The following MYRIP variants were observed in gnomAD, a reference collection of about 807,000 sequenced individuals.
MYRIP encodes myosin VIIA and Rab interacting protein, also known as rab effector MyRIP.
A neutral mutation model predicts 98.0 loss-of-function variants in MYRIP; 49 were observed. The observed-to-expected ratio is 0.50, with a 90% CI of 0.40 to 0.63. The LOEUF (loss-of-function observed/expected upper bound fraction) is 0.63, where lower values mean the gene tolerates loss of function less well. Among genes scored for constraint, MYRIP ranks in the 30% least tolerant of loss-of-function variants. MYRIP has a pLI of 0.00. For missense variants in MYRIP, 1,004 were observed against 1,058.2 expected (o/e 0.95, Z 0.71); for synonymous variants, 404 against 409.5 (o/e 0.99, Z 0.16).
intron 2 of MYRIP, among the ~76,000 whole-genome samples, chr3:39,973,710 G>A (rs181992313): frequency 7.4e-4 from 112 of 151,938 alleles, no homozygotes; most frequent in African/African-American, 1.6e-3. Flanking sequence ...ATCTCAGACC[G>A]CAGTGCAATC....
intron 3 of MYRIP, among the ~76,000 whole-genome samples, chr3:40,105,587 A>G (rs978199002): frequency 2.6e-5 from 4 of 152,174 alleles, no homozygotes; most frequent in Admixed American, 6.5e-5. Context: ...CTCACTCACT[A>G]TACAGTACTG....
chr3:40,105,216 C>T (rs777747522), intron 3 of MYRIP, among the ~76,000 whole-genome samples: 1 of 152,132 alleles, frequency 6.6e-6, no homozygotes, highest in Non-Finnish European at 1.5e-5. Context: ...TGTATAAATG[C>T]TATTATGTCT....
At chr3:40,213,084 G>C (rs1045322143) in intron 11 of MYRIP, among the ~76,000 whole-genome samples, 7 of 152,182 alleles carry the variant, frequency 4.6e-5, no homozygotes, top group African/African-American at 1.7e-4. Context: ...TCCTGACCCT[G>C]CAGGCCCTTC....
At chr3:39,889,357 T>G (rs1463611439) in intron 1 of MYRIP, among the ~76,000 whole-genome samples, 3 of 152,180 alleles carry the variant, frequency 2.0e-5, no homozygotes, top group East Asian at 1.9e-4. Context: ...CCATAAAAAA[T>G]GATGAGTTCA....
At chr3:40,018,385 C>G (rs993572415) in intron 2 of MYRIP, among the ~76,000 whole-genome samples, 1 of 152,198 alleles carries the variant, frequency 6.6e-6, no homozygotes, top group African/African-American at 2.4e-5. Context: ...GCTTTCCTGT[C>G]TCCCGCTAAA....
chr3:40,080,959 A>G (rs1948467733), intron 3 of MYRIP, among the ~76,000 whole-genome samples: 1 of 151,596 alleles, frequency 6.6e-6, no homozygotes, highest in Non-Finnish European at 1.5e-5. Flanking sequence ...TAGTCTTTTT[A>G]TCATTCAATT....
Position 40,190,227 on chromosome 3 carries a change from A to G in MYRIP, c.1429A>G (p.Arg477Gly), listed in dbSNP as rs750342902. Residue 477 changes from arginine to glycine, a missense_variant, in exon 10 of 17, where the codon AGG becomes GGG. Physicochemically the swap from Arg to Gly is moderately radical, Grantham distance 125 (BLOSUM62 -2). Around this residue, in one of 3 missense-constraint regions of MYRIP, gnomAD observed 880 missense variants for 907.7 expected, o/e 0.97. Coordinates refer to ENST00000302541, the MANE Select transcript of MYRIP (RefSeq NM_015460.4). ...GHQARLSWLQRKAPRNPAAEK... is the reference protein window; with the variant it reads ...GHQARLSWLQGKAPRNPAAEK... ...CCAGGCCAGACTGTCCTGGTTGCAG[A>G]GGAAGGCCCCCAGGAACCCTGCAGC... 6.2e-7 allele frequency: 1 copy of G among 1,614,080 alleles called. No homozygotes were observed. The highest frequency in any genetic ancestry group is 8.5e-7 in the Non-Finnish European group (1 of 1,180,012).
chr3:39,902,459 C>T (rs1478266260), intron 2 of MYRIP, among the ~76,000 whole-genome samples: 2 of 152,148 alleles, frequency 1.3e-5, no homozygotes, highest in Non-Finnish European at 2.9e-5. Context: ...AGCCTCTTTC[C>T]TCTACTGAAC....
At chr3:39,883,155 A>G (rs1943197707) in intron 1 of MYRIP, among the ~76,000 whole-genome samples, 1 of 152,160 alleles carries the variant, frequency 6.6e-6, no homozygotes, top group Non-Finnish European at 1.5e-5. Flanking sequence ...ATAGGGAGAT[A>G]GGAATTAGAG....
intron 2 of MYRIP, among the ~76,000 whole-genome samples, chr3:39,959,978 G>T (rs1945281697): frequency 6.6e-6 from 1 of 151,756 alleles, no homozygotes; most frequent in Admixed American, 6.6e-5. Flanking sequence ...TAGGAAAAAA[G>T]ACTTTGTTGT....
intron 2 of MYRIP, among the ~76,000 whole-genome samples, chr3:39,986,768 T>C (rs1444812816): frequency 1.3e-5 from 2 of 152,146 alleles, no homozygotes; most frequent in Non-Finnish European, 2.9e-5. Flanking sequence ...GACTTGCTAA[T>C]GCAGGAGAAC....
chr3:39,936,623 A>T (rs1486736542), intron 2 of MYRIP, among the ~76,000 whole-genome samples: 1 of 152,220 alleles, frequency 6.6e-6, no homozygotes, highest in Non-Finnish European at 1.5e-5. Context: ...TCAGGGAGAC[A>T]CTGTCACAGA....
chr3:39,959,592 C>T (rs1945267921), intron 2 of MYRIP, among the ~76,000 whole-genome samples: 1 of 151,556 alleles, frequency 6.6e-6, no homozygotes, highest in Admixed American at 6.6e-5. Flanking sequence ...TTAATGGGTG[C>T]AGCACACCAG....
intron 7 of MYRIP, among the ~76,000 whole-genome samples, chr3:40,169,088 C>T (rs1950558084): frequency 6.6e-6 from 1 of 152,262 alleles, no homozygotes; most frequent in South Asian, 2.1e-4. Context: ...CCCCCATATA[C>T]CCAACATGCA....
chr3:40,019,751 A>G (rs1946949799), intron 2 of MYRIP, among the ~76,000 whole-genome samples: 3 of 150,384 alleles, frequency 2.0e-5, no homozygotes, highest in Non-Finnish European at 4.4e-5. Flanking sequence ...AACACATAAA[A>G]TGTGTTTTTT....
At chr3:40,215,608 T>G (rs961819395) in intron 11 of MYRIP, among the ~76,000 whole-genome samples, 1 of 152,148 alleles carries the variant, frequency 6.6e-6, no homozygotes, top group African/African-American at 2.4e-5. Flanking sequence ...GAAAAAAAAT[T>G]TGTTGATGTC....
At chr3:40,048,498 GGGGC>G (rs1947717440) in intron 3 of MYRIP, among the ~76,000 whole-genome samples, 1 of 141,660 alleles carries the variant, frequency 7.1e-6, no homozygotes, top group African/African-American at 2.5e-5. Flanking sequence ...TCAAATACCT[GGGGC>G]TGTCTATTGT....
Position 40,233,858 on chromosome 3 carries a change from G to C in MYRIP, c.1906-1G>C. On this transcript the variant is annotated splice_acceptor_variant, in intron 11 of 16. Coordinates refer to ENST00000302541, the MANE Select transcript of MYRIP (RefSeq NM_015460.4). LOFTEE classifies it high-confidence loss of function. The stretch of plus-strand genomic sequence containing the variant: ...TCCCCTTCTGTTATCGGACCAAACA[G>C]AAGTTTTCTGCTGTTTCTCTCTGCA... 1 of 1,611,752 alleles carries C rather than the reference G, an allele frequency of 6.2e-7. No homozygotes were observed. The highest frequency in any genetic ancestry group is 8.5e-7 in the Non-Finnish European group (1 of 1,179,346).
At chr3:39,856,695 C>T (rs914128593) in intron 1 of MYRIP, among the ~76,000 whole-genome samples, 3 of 152,206 alleles carry the variant, frequency 2.0e-5, no homozygotes, top group African/African-American at 7.2e-5. Flanking sequence ...ACTTTGTCAG[C>T]AAGCCTCACA....
Sources: allele counts gnomAD v4.1 joint callset (sites outside exome capture counted in the v4.1 genomes callset), GRCh38; gene constraint gnomAD v4.1.1; regional missense constraint gnomAD v4.1.1; transcripts MANE v1.5; gene names NCBI Gene and HGNC (gene_info 2026-07-23, HGNC 2026-07-21).